The following GSE1 variants were observed in gnomAD, a reference collection of about 807,000 sequenced individuals.
The protein encoded by GSE1 is Gse1 coiled-coil protein.
Under a neutral mutation model 112.6 loss-of-function variants are expected in GSE1, and 32 were observed. The observed-to-expected ratio is 0.28, with a 90% CI of 0.21 to 0.38. The LOEUF (loss-of-function observed/expected upper bound fraction) is 0.38, where lower values mean the gene tolerates loss of function less well. GSE1 is among the 10% of genes least tolerant of loss of function. The pLI is 1.00. For synonymous variants in GSE1, 1,115 were observed against 735.6 expected (o/e 1.52, Z -8.35); for missense variants, 2,348 against 1,699.2 (o/e 1.38, Z -6.71).
At chr16:85,219,256 T>A (rs536235440) in intron 1 of GSE1, among the ~76,000 whole-genome samples, 1 of 152,160 alleles carries the variant, frequency 6.6e-6, no homozygotes, top group Admixed American at 6.5e-5. Flanking sequence ...TCAGGTGATC[T>A]GCCTGCCTTG....
intron 2 of GSE1, among the ~76,000 whole-genome samples, chr16:85,382,043 C>T (rs1269279576): frequency 6.6e-6 from 1 of 152,232 alleles, no homozygotes; most frequent in African/African-American, 2.4e-5. Flanking sequence ...CTCCACAGAG[C>T]CCCGGCTTTC....
intron 1 of GSE1, among the ~76,000 whole-genome samples, chr16:85,624,699 G>C (rs998133392): frequency 6.6e-6 from 1 of 152,228 alleles, no homozygotes; most frequent in Non-Finnish European, 1.5e-5. Flanking sequence ...TTCAGCCTCT[G>C]TAGGCTGGGA....
chr16:85,663,293 G>A (rs769602041), intron 10 of GSE1, 51 bp from the exon 11 acceptor site: 1 of 1,595,694 alleles, frequency 6.3e-7, no homozygotes, highest in East Asian at 2.2e-5. Flanking sequence ...GACAGTGCAA[G>A]CATACCACTG....
At chr16:85,523,484 C>T (rs1184457030) in intron 2 of GSE1, among the ~76,000 whole-genome samples, 1 of 152,202 alleles carries the variant, frequency 6.6e-6, no homozygotes, top group Non-Finnish European at 1.5e-5. Flanking sequence ...TGGCCACACT[C>T]CCCAGATCAG....
intron 2 of GSE1, among the ~76,000 whole-genome samples, chr16:85,421,832 G>T (rs1049887150): frequency 3.3e-5 from 5 of 152,036 alleles, no homozygotes; most frequent in Admixed American, 2.0e-4. Flanking sequence ...TTGTATTTTT[G>T]GGGGGAATGG....
At chr16:85,595,062 G>T (rs1391593852) in intron 1 of GSE1, 1 of 152,348 alleles carries the variant, frequency 6.6e-6, no homozygotes, top group African/African-American at 2.4e-5. Context: ...AGTTCGGACT[G>T]GCAGGTTCTC....
At chr16:85,235,508 G>GCAGAGAGGT (rs1340207499) in intron 1 of GSE1, among the ~76,000 whole-genome samples, 6 of 142,946 alleles carry the variant, frequency 4.2e-5, no homozygotes, top group Non-Finnish European at 7.6e-5. Flanking sequence ...CCCTCCCACT[G>GCAGAGAGGT]CAGAGAGGTC....
In GSE1 at chr16:85,298,340, A is replaced by G. The variant is rs1317908799; in HGVS notation, c.2284-59123A>G. On this transcript the variant is annotated intron_variant, in intron 1 of 2. Transcript: ENST00000637419. ...AGCGCTTTATCTCCACCTCCTTCTT[A>G]AACTGGCCACCTTCCTGAGTCACCC... is the stretch of plus-strand genomic sequence containing the variant. Among the ~76,000 whole-genome samples, 4 of 152,326 alleles carry G rather than the reference A, an allele frequency of 2.6e-5. No homozygotes were observed. The East Asian group carries it at 7.7e-4, about 29-fold the overall frequency.
intron 2 of GSE1, among the ~76,000 whole-genome samples, chr16:85,522,059 C>T (rs1423761388): frequency 2.0e-5 from 3 of 152,200 alleles, no homozygotes; most frequent in South Asian, 2.1e-4. Context: ...CATGGGAAGA[C>T]GGTCTTTGGA....
chr16:85,431,450 G>A (rs1264803957), intron 2 of GSE1, among the ~76,000 whole-genome samples: 2 of 152,204 alleles, frequency 1.3e-5, no homozygotes, highest in Non-Finnish European at 1.5e-5. Flanking sequence ...ACGTTACCGC[G>A]GGGCGAAAAA....
chr16:85,524,425 A>T (rs984342662), intron 2 of GSE1, among the ~76,000 whole-genome samples: 1 of 152,172 alleles, frequency 6.6e-6, no homozygotes, highest in African/African-American at 2.4e-5. Flanking sequence ...TAGCAGAGAC[A>T]TAAGGGCTCC....
In GSE1 at chr16:85,315,389, G is replaced by A. The variant is rs575871818; in HGVS notation, c.2284-42074G>A. Among the ~76,000 whole-genome samples the A allele has an allele frequency of 4.6e-5, 7 of 152,296 alleles. No homozygotes were observed. The South Asian group carries it at 6.2e-4, about 14-fold the overall frequency. ...ATGGCAAACAGGCAGGGAACAGGCCGTGGTACCATGGTGGATGGTGATCCT... is the reference window on the plus strand; with the variant it reads ...ATGGCAAACAGGCAGGGAACAGGCCATGGTACCATGGTGGATGGTGATCCT... On this transcript the variant is annotated intron_variant, in intron 1 of 2. Transcript: ENST00000637419.
chr16:85,521,700 G>A lies in GSE1; in HGVS notation c.2465-112214G>A, dbSNP rs552818416. Among the ~76,000 whole-genome samples the A allele has an allele frequency of 2.3e-4, 35 of 152,332 alleles. No individual in the cohort carries two copies. The South Asian group carries it at 6.6e-3, about 29-fold the overall frequency. On this transcript the variant is annotated intron_variant, in intron 2 of 2. Transcript: ENST00000637419. Reference sequence around the variant, plus strand: ...AGCGGCTAAGGGGTTTCCATCTCCCGCCTGGAGGAGCAGGAGTGTGTTGCT... The same window carrying A: ...AGCGGCTAAGGGGTTTCCATCTCCCACCTGGAGGAGCAGGAGTGTGTTGCT...
intron 1 of GSE1, among the ~76,000 whole-genome samples, chr16:85,600,343 C>T (rs995736957): frequency 2.6e-5 from 4 of 152,100 alleles, no homozygotes; most frequent in Non-Finnish European, 4.4e-5. Context: ...TGGGCCTCCT[C>T]GATGCTTCCA....
chr16:85,648,007 G>A (rs543854688), intron 2 of GSE1, among the ~76,000 whole-genome samples: 6 of 152,082 alleles, frequency 3.9e-5, no homozygotes, highest in Non-Finnish European at 5.9e-5. Context: ...GGGGCTCCCC[G>A]GGAAGACTCA....
chr16:85,658,382 G>C (rs2052151516), intron 8 of GSE1, among the ~76,000 whole-genome samples: 1 of 152,246 alleles, frequency 6.6e-6, no homozygotes, highest in Non-Finnish European at 1.5e-5. Context: ...TGTTCCCTGA[G>C]CCTCACTTTC....
chr16:85,337,978 G>A (rs974363192), intron 1 of GSE1, among the ~76,000 whole-genome samples: 34 of 152,202 alleles, frequency 2.2e-4, no homozygotes, highest in African/African-American at 7.0e-4. Flanking sequence ...CCACCTCTGA[G>A]CTTTGAGGGT....
chr16:85,347,246 A>AT (rs1207480489), intron 1 of GSE1, among the ~76,000 whole-genome samples: 1 of 152,004 alleles, frequency 6.6e-6, no homozygotes, highest in African/African-American at 2.4e-5. Flanking sequence ...GAGAGACAGG[A>AT]TGTCCGTGGT....
At chr16:85,652,750 G>A (rs2051480402) in intron 3 of GSE1, among the ~76,000 whole-genome samples, 1 of 151,886 alleles carries the variant, frequency 6.6e-6, no homozygotes, top group East Asian at 1.9e-4. Context: ...CACGGCCCCT[G>A]GGAGACAGAT....
Sources: gnomAD v4.1 joint callset for allele counts (sites outside exome capture counted in the v4.1 genomes callset) on GRCh38, gnomAD v4.1.1 for gene constraint, MANE v1.5 for transcripts, NCBI Gene and HGNC (gene_info 2026-07-23, HGNC 2026-07-21) for gene names.